KANK4: variants seen among roughly 807,000 people sequenced by gnomAD.
KANK4 encodes the protein KN motif and ankyrin repeat domain-containing protein 4.
In KANK4, 50 loss-of-function variants were observed where a neutral mutation model predicts 80.8. The observed-to-expected ratio is 0.62, with a 90% CI of 0.49 to 0.78. KANK4 has a LOEUF of 0.78. Ranked by LOEUF, KANK4 falls within the 30% of genes least tolerant of loss-of-function variation. The probability of loss-of-function intolerance (pLI) is 0.00; values close to 1 mark genes in which losing one functional copy is unlikely to be tolerated. For missense variants in KANK4, 1,196 were observed against 1,240.1 expected (o/e 0.96, Z 0.53); for synonymous variants, 465 against 506.9 (o/e 0.92, Z 1.11).
At chr1:62,261,055 G>C (rs1320201551) in intron 7 of KANK4, among the ~76,000 whole-genome samples, 1 of 151,732 alleles carries the variant, frequency 6.6e-6, no homozygotes, top group Non-Finnish European at 1.5e-5. Context: ...CTCCACATTT[G>C]GTCCTTCTCC....
chr1:62,303,261 T>C (rs1644426704), intron 1 of KANK4, among the ~76,000 whole-genome samples: 1 of 151,820 alleles, frequency 6.6e-6, no homozygotes, highest in Admixed American at 6.6e-5. Context: ...GTCAGAGAAA[T>C]GGGACAGTAA....
chr1:62,287,005 G>A (rs1273635068), intron 1 of KANK4, among the ~76,000 whole-genome samples: 1 of 152,204 alleles, frequency 6.6e-6, no homozygotes, highest in African/African-American at 2.4e-5. Flanking sequence ...CCACTTCCAG[G>A]CAGGGTTTCT....
intron 2 of KANK4, among the ~76,000 whole-genome samples, chr1:62,277,956 T>C (rs1475047485): frequency 1.3e-5 from 2 of 152,148 alleles, no homozygotes; most frequent in East Asian, 1.9e-4. Flanking sequence ...AATCACACAG[T>C]ATTTCAAAGT....
intron 1 of KANK4, among the ~76,000 whole-genome samples, chr1:62,289,722 A>G (rs1346311843): frequency 6.6e-6 from 1 of 152,248 alleles, no homozygotes; most frequent in African/African-American, 2.4e-5. Context: ...CTTGGAAAAT[A>G]AAAAATAAAT....
chr1:62,290,430 C>T (rs58577621), intron 1 of KANK4, among the ~76,000 whole-genome samples: 6,567 of 152,212 alleles, frequency 0.043, 453 homozygotes, highest in African/African-American at 0.15. Context: ...AGGTTCAAAT[C>T]CTGGCTGCAT....
intron 2 of KANK4, among the ~76,000 whole-genome samples, chr1:62,277,435 A>G (rs1374592155): frequency 2.0e-5 from 3 of 152,224 alleles, no homozygotes; most frequent in Non-Finnish European, 4.4e-5. Context: ...CTTATTTTAT[A>G]GTTAAAGGTG....
At chr1:62,281,392 A>G (rs1289434681) in intron 2 of KANK4, among the ~76,000 whole-genome samples, 157 bp downstream of exon 2, 2 of 152,198 alleles carry the variant, frequency 1.3e-5, no homozygotes, top group African/African-American at 4.8e-5. Flanking sequence ...CTGGAGATAC[A>G]CAAAATCTGA....
Position 62,253,096 on chromosome 1 carries a change from C to T in KANK4, c.2653G>A (p.Glu885Lys), listed in dbSNP as rs570900175. The change falls in exon 8 of 10, where the codon GAA (glutamate) becomes AAA (lysine). Residue 885 changes from glutamate (E) to lysine (K), a missense_variant. Physicochemically the swap from Glu to Lys is moderately conservative, Grantham distance 56. This residue lies in a region of KANK4 where 1,154 missense variants were observed against 1,179.6 expected (regional missense o/e 0.98). Coordinates refer to ENST00000371153, the MANE Select transcript of KANK4 (RefSeq NM_181712.5). ...GTAGCTTGAATGTTCACATTTCCTTCTCTTAAGAGCTTCCAGACAACAGCC... is the reference window on the plus strand; with the variant it reads ...GTAGCTTGAATGTTCACATTTCCTTTTCTTAAGAGCTTCCAGACAACAGCC... ...DMAVVWKLLR[E>K]GNVNIQATQG... The T allele has an allele frequency of 1.3e-5, 21 of 1,613,906 alleles. No individual in the cohort carries two copies. The highest frequency in any genetic ancestry group is 1.6e-5 in the Non-Finnish European group (19 of 1,179,972).
At chr1:62,297,983 C>T (rs1213880981) in intron 1 of KANK4, among the ~76,000 whole-genome samples, 4 of 143,124 alleles carry the variant, frequency 2.8e-5, no homozygotes, top group African/African-American at 9.9e-5. Context: ...AATTTCGTTT[C>T]TCTGTTGTTC....
At chr1:62,240,669 C>CA (rs1367356367) in intron 9 of KANK4, among the ~76,000 whole-genome samples, 1 of 151,946 alleles carries the variant, frequency 6.6e-6, no homozygotes, top group African/African-American at 2.4e-5. Context: ...AACTCCATCT[C>CA]AAAAAATAAA....
intron 1 of KANK4, among the ~76,000 whole-genome samples, chr1:62,301,926 G>A (rs1192406879): frequency 2.0e-5 from 3 of 151,896 alleles, no homozygotes; most frequent in African/African-American, 7.2e-5. Context: ...GGGGTGGGGG[G>A]TGGTGAGAAG....
chr1:62,284,688 T>C (rs994933807), intron 1 of KANK4, among the ~76,000 whole-genome samples: 8 of 152,216 alleles, frequency 5.3e-5, no homozygotes, highest in Non-Finnish European at 1.2e-4. Context: ...TACCTGGTGT[T>C]ATTACGTTAC....
Position 62,316,726 on chromosome 1 carries a change from A to G in KANK4, c.-71+2380T>C, listed in dbSNP as rs147625231. ...ATGCAATAACCACCATCCCCTCCCC[A>G]TATAAAAAAGTTAAGAAATACTGGA... is the stretch of plus-strand genomic sequence containing the variant. On this transcript the variant is annotated intron_variant, in intron 1 of 9. Coordinates refer to ENST00000371153, the MANE Select transcript of KANK4 (RefSeq NM_181712.5). 3.9e-3 allele frequency among the ~76,000 whole-genome samples: 592 copies of G among 152,324 alleles called. 5 individuals carry two copies. The highest frequency in any genetic ancestry group is 0.013 in the African/African-American group (556 of 41,566).
intron 1 of KANK4, among the ~76,000 whole-genome samples, chr1:62,312,151 T>A (rs1184009408): frequency 6.6e-6 from 1 of 152,202 alleles, no homozygotes; most frequent in African/African-American, 2.4e-5. Context: ...TTAAATTGTG[T>A]AATATAGTAA....
rs1298478465 is a variant in KANK4, at chr1:62,271,491, C to T, written c.1999G>A (p.Gly667Arg). The T allele has an allele frequency of 6.2e-7, 1 of 1,612,718 alleles. No individual in the cohort carries two copies. Among genetic ancestry groups the T allele is most frequent in the Admixed American group, 1.7e-5 (1 of 60,018 alleles). Reference protein sequence around the residue: ...NGTKKNLQFVGVNGGYETTSS... With the variant: ...NGTKKNLQFVRVNGGYETTSS... Reference sequence around the variant, plus strand: ...AGCGATGCTTACCCACCGTTAACCCCAACAAACTGAAGGTTCTTTTTGGTC... The same window carrying T: ...AGCGATGCTTACCCACCGTTAACCCTAACAAACTGAAGGTTCTTTTTGGTC... Residue 667 changes from glycine (G) to arginine (R), a missense_variant, in exon 4 of 10, where the codon GGG becomes AGG. Around this residue, in one of 3 missense-constraint regions of KANK4, gnomAD observed 1,154 missense variants for 1,179.6 expected, o/e 0.98. Coordinates refer to ENST00000371153, the MANE Select transcript of KANK4 (RefSeq NM_181712.5).
chr1:62,300,776 C>T (rs928538323), intron 1 of KANK4, among the ~76,000 whole-genome samples: 5 of 151,918 alleles, frequency 3.3e-5, no homozygotes, highest in Admixed American at 6.6e-5. Flanking sequence ...CAATGAGGGG[C>T]GTATGTCCCC....
chr1:62,296,009 C>T (rs566338755), intron 1 of KANK4, among the ~76,000 whole-genome samples: 11 of 152,296 alleles, frequency 7.2e-5, no homozygotes, highest in African/African-American at 1.9e-4. Flanking sequence ...AACCTGGGCA[C>T]GACTCCTCTG....
At position 62,236,491 on chromosome 1, in the gene KANK4, T is replaced by C. The variant is rs995159824; in HGVS notation, c.*1786A>G. ...TCCACCTCTGAGTTGCATCAACACATGTCATTGTGTTCTGGGACTCTGAGC... is the reference window on the plus strand; with the variant it reads ...TCCACCTCTGAGTTGCATCAACACACGTCATTGTGTTCTGGGACTCTGAGC... On this transcript the variant is annotated 3_prime_UTR_variant, in exon 10 of 10. Coordinates refer to ENST00000371153, the MANE Select transcript of KANK4 (RefSeq NM_181712.5). Among the ~76,000 whole-genome samples, 1 of 152,148 alleles carries C rather than the reference T, an allele frequency of 6.6e-6. No individual in the cohort carries two copies. Among genetic ancestry groups the C allele is most frequent in the Non-Finnish European group, 1.5e-5 (1 of 68,032 alleles).
At chr1:62,301,935 A>G (rs1320892118) in intron 1 of KANK4, among the ~76,000 whole-genome samples, 1 of 151,946 alleles carries the variant, frequency 6.6e-6, no homozygotes, top group African/African-American at 2.4e-5. Flanking sequence ...GGTGGTGAGA[A>G]GCAAGAGCAA....
Sources: allele counts gnomAD v4.1 joint callset (sites outside exome capture counted in the v4.1 genomes callset), GRCh38; gene constraint gnomAD v4.1.1; regional missense constraint gnomAD v4.1.1; transcripts MANE v1.5; gene names NCBI Gene and HGNC (gene_info 2026-07-23, HGNC 2026-07-21).